TCF3: variants seen among roughly 807,000 people sequenced by gnomAD.
TCF3 encodes the protein transcription factor 3.
A neutral mutation model predicts 72.3 loss-of-function variants in TCF3; 54 were observed. The observed-to-expected ratio is 0.75, with a 90% CI of 0.60 to 0.94. TCF3 has a LOEUF of 0.94. Ranked by LOEUF, TCF3 falls within the 40% of genes least tolerant of loss-of-function variation. The pLI, the probability that TCF3 is intolerant of heterozygous loss-of-function variation, is 0.00. For missense variants in TCF3, 1,078 were observed against 934.4 expected (o/e 1.15, Z -2.00); for synonymous variants, 525 against 412.6 (o/e 1.27, Z -3.30).
chr19:1,630,597 C>T (rs139166656), intron 5 of TCF3, among the ~76,000 whole-genome samples: 12 of 152,326 alleles, frequency 7.9e-5, no homozygotes, highest in East Asian at 1.9e-4. Flanking sequence ...CCACAGCTCC[C>T]GGCTTCTAAG....
intron 18 of TCF3, chr19:1,612,160 G>T: frequency 6.6e-7 from 1 of 1,517,050 alleles, no homozygotes; most frequent in East Asian, 2.3e-5. Context: ...GCACCTGGGT[G>T]TGGGGAAGGG....
rs2146082008 is a variant in TCF3, at chr19:1,621,026, T to C, written c.1035A>G (p.Ser345=). The C allele has an allele frequency of 6.6e-7, 1 of 1,520,590 alleles. No individual in the cohort carries two copies. Among genetic ancestry groups the C allele is most frequent in the Non-Finnish European group, 8.8e-7 (1 of 1,131,274 alleles). The allele number at this position is 1,520,590 out of a possible 1,614,324, so 94.2% of individuals were successfully genotyped here. ...AAGGGCTGGACGAGAAGTTATTGCT[T>C]GAGTGATCCGGGGAGTAGATCTGCG... ...ALASIYSPDH[S]SNNFSSSPST... The change falls in exon 13 of 19, where the codon TCA becomes TCG. Residue 345 remains serine, a synonymous_variant. Coordinates refer to ENST00000262965, the MANE Select transcript of TCF3 (RefSeq NM_003200.5).
rs201831565 is a variant in TCF3 at position 1,615,708 on chromosome 19, T to G, written c.1564A>C (p.Lys522Gln). 2.9e-4 allele frequency: 470 copies of G among 1,613,360 alleles called. 3 individuals carry two copies. In the East Asian group the frequency reaches 3.4e-3, roughly 12 times the overall value. Residue 522 changes from lysine (K) to glutamine (Q), a missense_variant, in exon 17 of 19, where the codon AAG (lysine) becomes CAG (glutamine). By Grantham distance (53) the Lys-to-Gln change is moderately conservative. Coordinates refer to ENST00000262965, the MANE Select transcript of TCF3 (RefSeq NM_003200.5). This position sits in a 1 kb window ranked among gnomAD's most constrained non-coding sequence, Gnocchi z 7.3. ...CACCTGGTCCGGGCCCGGGGGGCCT[T>G]CAGCTCCTTCTTCTCCTCCTCCGAG... Reference protein sequence around the residue: ...DHSEEEKKELKAPRARTSPDE... With the variant: ...DHSEEEKKELQAPRARTSPDE...
intron 1 of TCF3, chr19:1,650,532 G>C (rs1279932883): frequency 2.4e-6 from 1 of 408,578 alleles, no homozygotes; most frequent in African/African-American, 2.0e-5. Flanking sequence ...AAAATGGGGG[G>C]AGGGTGTGCA....
intron 16 of TCF3, among the ~76,000 whole-genome samples, chr19:1,617,169 T>G (rs1382328233): frequency 6.6e-6 from 1 of 152,242 alleles, no homozygotes; most frequent in Non-Finnish European, 1.5e-5. Context: ...GCAACTTGGC[T>G]GCTTTGGAAA....
At chr19:1,648,409 T>C (rs918452463) in intron 2 of TCF3, among the ~76,000 whole-genome samples, 2 of 152,150 alleles carry the variant, frequency 1.3e-5, no homozygotes, top group South Asian at 2.1e-4. Flanking sequence ...TTTCCTCATC[T>C]GGGAACGGCT....
At chr19:1,620,193 G>T (rs989141562) in intron 13 of TCF3, among the ~76,000 whole-genome samples, 1 of 152,226 alleles carries the variant, frequency 6.6e-6, no homozygotes, top group Non-Finnish European at 1.5e-5. Context: ...GGCTCCAGCA[G>T]CAGGCAAGAA....
intron 16 of TCF3, among the ~76,000 whole-genome samples, chr19:1,618,844 C>T (rs2061835180): frequency 6.6e-6 from 1 of 152,242 alleles, no homozygotes; most frequent in Admixed American, 6.5e-5. Flanking sequence ...CGCCCCTTCC[C>T]CAGTGCTGAG....
chr19:1,616,526 C>G (rs758456944), intron 16 of TCF3: 2 of 152,218 alleles, frequency 1.3e-5, no homozygotes, highest in Middle Eastern at 3.4e-3. Flanking sequence ...GTCCACGTCA[C>G]CCTTGTGCAG....
chr19:1,615,731 G>C lies in TCF3; in HGVS notation c.1541C>G (p.Ser514Trp). The C allele has an allele frequency of 1.2e-6, 2 of 1,613,040 alleles. No homozygotes were observed. Among genetic ancestry groups the C allele is most frequent in the South Asian group, 2.2e-5 (2 of 90,980 alleles). ...CTTCAGCTCCTTCTTCTCCTCCTCC[G>C]AGTGGTCAGCCGCTGACGTGTTCTC... ...DEENTSAADH[S>W]EEEKKELKAP... Residue 514 changes from serine to tryptophan, a missense_variant, in exon 17 of 19, where the codon TCG (serine) becomes TGG (tryptophan). Coordinates refer to ENST00000262965, the MANE Select transcript of TCF3 (RefSeq NM_003200.5). The surrounding 1 kb of genome is among the most constrained non-coding windows in gnomAD (Gnocchi z 7.3).
rs749247091 is a variant in TCF3 at position 1,625,603 on chromosome 19, G to A, written c.472C>T (p.Arg158Trp). Residue 158 changes from arginine to tryptophan, a missense_variant, in exon 7 of 19, where the codon CGG (arginine) becomes TGG (tryptophan). Transcript: ENST00000262965. ...QYYPSYSGSSRRRAADGSLDT... is the reference protein window; with the variant it reads ...QYYPSYSGSSWRRAADGSLDT... ...AGGCTGCCGTCTGCCGCTCTCCGCC[G>A]GGAGCTGCCGGAGTAGGAGGGGTAG... The A allele has an allele frequency of 6.9e-6, 11 of 1,584,468 alleles. No homozygotes were observed. Among genetic ancestry groups the A allele is most frequent in the South Asian group, 2.3e-5 (2 of 88,356 alleles).
intron 3 of TCF3, among the ~76,000 whole-genome samples, chr19:1,639,505 G>C (rs1455181260): frequency 6.6e-6 from 1 of 152,128 alleles, no homozygotes; most frequent in Non-Finnish European, 1.5e-5. Context: ...ACATTAAACA[G>C]ATTAAAAATC....
At chr19:1,629,612 G>A (rs2063451084) in intron 5 of TCF3, among the ~76,000 whole-genome samples, 1 of 152,142 alleles carries the variant, frequency 6.6e-6, no homozygotes, top group Non-Finnish European at 1.5e-5. Context: ...GAGGGCCTGG[G>A]GCTGATGCGG....
At chr19:1,621,318 C>T (rs569902562) in intron 11 of TCF3, 127 bp from the exon 12 acceptor site, 18 of 1,179,534 alleles carry the variant, frequency 1.5e-5, no homozygotes, top group South Asian at 4.6e-5. Flanking sequence ...GACTCGGGTC[C>T]GGTTTCTGTC....
chr19:1,615,211 GGAA>G lies in TCF3; in HGVS notation c.1822+71_1822+73del. On this transcript the variant is annotated intron_variant, in intron 18 of 18. Transcript: ENST00000262965. This position sits in a 1 kb window ranked among gnomAD's most constrained non-coding sequence, Gnocchi z 7.3. ...GGGCTGGCTCCAGGAAGGCGGGCGGGGAAGGAGAACGAGGGCAGGAACACGAGG... is the reference window on the plus strand; with the variant it reads ...GGGCTGGCTCCAGGAAGGCGGGCGGGGGAGAACGAGGGCAGGAACACGAGG... The G allele has an allele frequency of 6.7e-7, 1 of 1,497,022 alleles. No individual in the cohort carries two copies. 92.7% of individuals were successfully genotyped at this position (1,497,022 alleles called of 1,614,324 possible). A position where few individuals can be genotyped will look rare whatever the true frequency, so the allele number is the denominator to read the frequency against.
intron 5 of TCF3, 132 bp downstream of exon 5, chr19:1,631,906 A>C (rs1222220125): frequency 6.5e-7 from 1 of 1,533,010 alleles, no homozygotes; most frequent in Non-Finnish European, 8.8e-7. Flanking sequence ...GGACGGGCAG[A>C]GGCTTCGGCT....
At chr19:1,649,899 G>T (rs989457385) in intron 2 of TCF3, among the ~76,000 whole-genome samples, 1 of 152,242 alleles carries the variant, frequency 6.6e-6, no homozygotes, top group East Asian at 1.9e-4. Flanking sequence ...CCAAGCTGGG[G>T]GCCCAGGACC....
intron 2 of TCF3, among the ~76,000 whole-genome samples, chr19:1,648,927 A>G (rs1478653459): frequency 1.3e-5 from 2 of 152,124 alleles, no homozygotes; most frequent in African/African-American, 4.8e-5. Flanking sequence ...CCACTGTACC[A>G]GCAGGCAAAC....
At chr19:1,651,663 C>T (rs1165683357) in intron 1 of TCF3, among the ~76,000 whole-genome samples, 2 of 151,946 alleles carry the variant, frequency 1.3e-5, no homozygotes, top group African/African-American at 2.4e-5. Context: ...GCCTTTTTCC[C>T]GGGGGGAGGC....
Sources: allele counts gnomAD v4.1 joint callset (sites outside exome capture counted in the v4.1 genomes callset), GRCh38; gene constraint gnomAD v4.1.1; non-coding constraint Gnocchi (gnomAD v3.1); transcripts MANE v1.5; gene names NCBI Gene and HGNC (gene_info 2026-07-23, HGNC 2026-07-21).